The following SPSB4 variants were observed in gnomAD, a reference collection of about 807,000 sequenced individuals.
SPSB4 encodes the protein SPRY domain-containing SOCS box protein 4.
SPSB4 carries 21 observed loss-of-function variants against 20.9 expected under a neutral mutation model. The observed-to-expected ratio is 1.01, with a 90% CI of 0.71 to 1.45. SPSB4 has a LOEUF of 1.45. Among genes scored for constraint, SPSB4 ranks in the 40% most tolerant of loss-of-function variants. SPSB4 has a pLI of 0.00. For synonymous variants in SPSB4, 207 were observed against 183.8 expected, an observed-to-expected ratio of 1.13 and a Z score of -1.02; for missense variants, 399 against 399.2, an observed-to-expected ratio of 1.00 and a Z score of 0.00.
At chr3:141,085,793 T>G (rs1938327332) in intron 2 of SPSB4, among the ~76,000 whole-genome samples, 1 of 152,244 alleles carries the variant, frequency 6.6e-6, no homozygotes, top group African/African-American at 2.4e-5. Context: ...TTGCTGGTCT[T>G]CTGCCAGAAG....
At chr3:141,092,618 T>C (rs57905650) in intron 2 of SPSB4, among the ~76,000 whole-genome samples, 19,247 of 152,204 alleles carry the variant, frequency 0.13, 2,026 homozygotes, top group African/African-American at 0.27. Flanking sequence ...CAGACACCCC[T>C]TCCTGTACTG....
chr3:141,086,529 A>G (rs1938342783), intron 2 of SPSB4, among the ~76,000 whole-genome samples: 1 of 152,236 alleles, frequency 6.6e-6, no homozygotes, highest in Non-Finnish European at 1.5e-5. Flanking sequence ...GACCTGGCAC[A>G]CAGTGTGGAC....
chr3:141,132,390 A>T, intron 2 of SPSB4: 1 of 210,714 alleles, frequency 4.7e-6, no homozygotes, highest in Non-Finnish European at 9.7e-6. Flanking sequence ...CTGGTCTCAA[A>T]CTCCTGACCT....
chr3:141,146,010 T>A (rs1939407338), intron 2 of SPSB4, among the ~76,000 whole-genome samples: 1 of 152,190 alleles, frequency 6.6e-6, no homozygotes, highest in Admixed American at 6.5e-5. Flanking sequence ...TATTTAAGAA[T>A]TATTGCATAT....
chr3:141,087,580 T>A (rs1244261988), intron 2 of SPSB4, among the ~76,000 whole-genome samples: 2 of 152,132 alleles, frequency 1.3e-5, no homozygotes, highest in East Asian at 3.9e-4. Flanking sequence ...ATTTGATCCT[T>A]AAATAGTCCT....
intron 2 of SPSB4, among the ~76,000 whole-genome samples, chr3:141,128,975 T>C (rs909760002): frequency 2.6e-5 from 4 of 152,142 alleles, no homozygotes; most frequent in Non-Finnish European, 4.4e-5. Context: ...TCAGACTAGG[T>C]GGACAGAAGC....
chr3:141,075,890 TACAAAA>T (rs1335958628), intron 2 of SPSB4, among the ~76,000 whole-genome samples: 32 of 18,326 alleles, frequency 1.7e-3, no homozygotes, highest in African/African-American at 8.0e-3. Context: ...CTACTAAAAA[TACAAAA>T]AAAAAAAAAA....
At chr3:141,135,043 C>T (rs1939202607) in intron 2 of SPSB4, among the ~76,000 whole-genome samples, 1 of 152,000 alleles carries the variant, frequency 6.6e-6, no homozygotes, top group African/African-American at 2.4e-5. Flanking sequence ...TGGAACAGGG[C>T]TCTCTTATCT....
At chr3:141,057,794 A>G (rs1035376641) in intron 1 of SPSB4, among the ~76,000 whole-genome samples, 3 of 152,240 alleles carry the variant, frequency 2.0e-5, no homozygotes, top group African/African-American at 7.2e-5. Flanking sequence ...TCAACTGTGT[A>G]CTTTTACAAG....
At position 141,147,713 on chromosome 3, in the gene SPSB4, T is replaced by G. The variant is rs1939437520; in HGVS notation, c.*444T>G. On this transcript the variant is annotated 3_prime_UTR_variant, in exon 3 of 3. Coordinates refer to ENST00000310546, the MANE Select transcript of SPSB4 (RefSeq NM_080862.3). ...AAAATTGCCTCTGAATAATGAATGA[T>G]GAAAGCCTGACGCCGTGCCCCTCCT... The G allele has an allele frequency of 5.9e-6, 1 of 170,746 alleles. No homozygotes were observed. Among genetic ancestry groups the G allele is most frequent in the Non-Finnish European group, 1.3e-5 (1 of 77,594 alleles). The allele number at this position is 170,746 out of a possible 1,614,324, so 10.6% of individuals were successfully genotyped here. A position where few individuals can be genotyped will look rare whatever the true frequency, so the allele number is the denominator to read the frequency against.
rs552581745 is a variant in SPSB4 at position 141,123,263 on chromosome 3, A to G, written c.695-23879A>G. Reference sequence around the variant, plus strand: ...TTTAATGCATACCCATGAATCTACCACCCTACCCAGTGCCTAGAACATTGA... The same window carrying G: ...TTTAATGCATACCCATGAATCTACCGCCCTACCCAGTGCCTAGAACATTGA... On this transcript the variant is annotated intron_variant, in intron 2 of 2. Transcript: ENST00000310546. 3.9e-5 allele frequency among the ~76,000 whole-genome samples: 6 copies of G among 152,102 alleles called. No individual in the cohort carries two copies. The South Asian group carries it at 1.2e-3, about 32-fold the overall frequency.
At position 141,066,464 on chromosome 3, in the gene SPSB4, C is replaced by T. The variant is rs1253235651; in HGVS notation, c.360C>T (p.Ala120=). 1 of 1,498,354 alleles carries T rather than the reference C, an allele frequency of 6.7e-7. No individual in the cohort carries two copies. The highest frequency in any genetic ancestry group is 1.4e-5 in the African/African-American group (1 of 72,436). 92.8% of individuals were successfully genotyped at this position (1,498,354 alleles called of 1,614,324 possible). Residue 120 remains alanine (A), a synonymous_variant, in exon 2 of 3, where the codon GCC becomes GCT. Transcript: ENST00000310546. ...GTHAVVGVAT[A]RAPLHSVGYT... ...ACGCTGTAGTTGGTGTGGCCACGGC[C>T]CGTGCTCCCCTGCACTCCGTGGGCT...
At chr3:141,079,964 G>A (rs571433857) in intron 2 of SPSB4, among the ~76,000 whole-genome samples, 1 of 152,256 alleles carries the variant, frequency 6.6e-6, no homozygotes, top group South Asian at 2.1e-4. Context: ...TCAGCAGCAG[G>A]GAGACACCAA....
chr3:141,122,339 ACTGGGAGGTAGCTCC>A (rs1183064500), intron 2 of SPSB4, among the ~76,000 whole-genome samples: 14 of 152,054 alleles, frequency 9.2e-5, no homozygotes, highest in African/African-American at 3.4e-4. Context: ...GTCAGCCCTT[ACTGGGAGGTAGCTCC>A]CAGTCAGGCT....
chr3:141,093,777 T>C (rs1938502347), intron 2 of SPSB4, among the ~76,000 whole-genome samples: 1 of 152,212 alleles, frequency 6.6e-6, no homozygotes, highest in African/African-American at 2.4e-5. Context: ...CCAGGGGTCC[T>C]CACCAGCTGG....
chr3:141,083,063 T>C (rs116873774), intron 2 of SPSB4, among the ~76,000 whole-genome samples: 3,402 of 152,148 alleles, frequency 0.022, 221 homozygotes, highest in East Asian at 0.14. Flanking sequence ...TCTAAGTATC[T>C]GAAATGCTCT....
chr3:141,143,337 C>T (rs1939367135), intron 2 of SPSB4, among the ~76,000 whole-genome samples: 1 of 152,132 alleles, frequency 6.6e-6, no homozygotes, highest in South Asian at 2.1e-4. Context: ...CTCCTGCTTC[C>T]CCTAGGGACG....
chr3:141,057,421 C>G (rs1201733032), intron 1 of SPSB4, among the ~76,000 whole-genome samples: 1 of 152,226 alleles, frequency 6.6e-6, no homozygotes, highest in Admixed American at 6.5e-5. Flanking sequence ...ATAGTCTGAG[C>G]TCACAGTGCT....
intron 1 of SPSB4, among the ~76,000 whole-genome samples, chr3:141,055,868 T>G (rs1392330480): frequency 1.3e-5 from 2 of 152,164 alleles, no homozygotes; most frequent in Non-Finnish European, 2.9e-5. Flanking sequence ...TACAAGGTCA[T>G]TTGAAACAAC....
Sources: allele counts gnomAD v4.1 joint callset (sites outside exome capture counted in the v4.1 genomes callset), GRCh38; gene constraint gnomAD v4.1.1; transcripts MANE v1.5; gene names NCBI Gene and HGNC (gene_info 2026-07-23, HGNC 2026-07-21).